The following ANKRD62 variants were observed in gnomAD, a reference collection of about 807,000 sequenced individuals.
The protein encoded by ANKRD62 is ankyrin repeat domain-containing protein 62.
A neutral mutation model predicts 98.8 loss-of-function variants in ANKRD62; 61 were observed. The ratio of observed to expected loss-of-function variants is 0.62; its 90% confidence interval spans 0.50 to 0.76. The LOEUF is 0.76. Among genes scored for constraint, ANKRD62 ranks in the 30% least tolerant of loss-of-function variants. ANKRD62 has a pLI of 0.00. For missense variants in ANKRD62, 933 were observed against 1,082.9 expected (o/e 0.86, Z 1.94); for synonymous variants, 341 against 367.9 (o/e 0.93, Z 0.84).
At chr18:12,100,671 C>G (rs2143898058) in intron 6 of ANKRD62, among the ~76,000 whole-genome samples, 1 of 152,132 alleles carries the variant, frequency 6.6e-6, no homozygotes, top group East Asian at 1.9e-4. Flanking sequence ...AAAATAAATT[C>G]CTTATTGAGA....
intron 8 of ANKRD62, among the ~76,000 whole-genome samples, chr18:12,109,209 G>A (rs915770435): frequency 6.6e-6 from 1 of 152,238 alleles, no homozygotes; most frequent in African/African-American, 2.4e-5. Flanking sequence ...CCCTGCAGCA[G>A]ACTTTTGCTT....
chr18:12,125,815 G>A lies in ANKRD62; in HGVS notation c.1994G>A (p.Cys665Tyr), dbSNP rs1312884329. Reference sequence around the variant, plus strand: ...CGTTGTAGACTGGCTGCTGCCCTATGTGATCATGATCAACGTCAGTCATCA... The same window carrying A: ...CGTTGTAGACTGGCTGCTGCCCTATATGATCATGATCAACGTCAGTCATCA... ...SYRCRLAAAL[C>Y]DHDQRQSSKR... Residue 665 changes from cysteine (C) to tyrosine (Y), a missense_variant, in exon 13 of 14, where the codon TGT becomes TAT. By Grantham distance (194) the Cys-to-Tyr change is radical. Transcript: ENST00000587848. 2.6e-6 allele frequency: 4 copies of A among 1,549,486 alleles called. No homozygotes were observed. The highest frequency in any genetic ancestry group is 1.4e-5 in the African/African-American group (1 of 73,094).
In ANKRD62 at chr18:12,116,795, T is replaced by A. The variant is rs377599984; in HGVS notation, c.1240+1261T>A. Among the ~76,000 whole-genome samples the A allele has an allele frequency of 2.7e-4, 41 of 152,352 alleles. No homozygotes were observed. In the East Asian group the frequency reaches 6.6e-3, roughly 24 times the overall value. On this transcript the variant is annotated intron_variant, in intron 10 of 13. Coordinates refer to ENST00000587848, the MANE Select transcript of ANKRD62 (RefSeq NM_001277333.2). ...TCATTTAAAAATGTCCAACGAGTGC[T>A]GGCTTGTTGGACATTAGGTTAGAAT...
intron 8 of ANKRD62, among the ~76,000 whole-genome samples, chr18:12,107,949 A>G (rs1424687468): frequency 6.6e-6 from 1 of 152,176 alleles, no homozygotes; most frequent in Non-Finnish European, 1.5e-5. Context: ...ATATATATGC[A>G]TGTGTAGTTA....
chr18:12,139,091 G>A, the ANKRD62 span, among the ~76,000 whole-genome samples: 1 of 152,162 alleles, frequency 6.6e-6, no homozygotes, highest in Non-Finnish European at 1.5e-5. Context: ...TCATTATGAT[G>A]TTAGCTGGTT....
chr18:12,122,243 C>T, intron 10 of ANKRD62, 60 bp from the exon 11 acceptor site: 1 of 1,292,260 alleles, frequency 7.7e-7, no homozygotes, highest in Non-Finnish European at 1.1e-6. Flanking sequence ...ATGCATAGTC[C>T]TTTATATTTA....
At position 12,099,644 on chromosome 18, in the gene ANKRD62, C is replaced by A. The variant is rs961842540; in HGVS notation, c.782C>A (p.Ala261Glu). 2 of 1,491,614 alleles carry A rather than the reference C, an allele frequency of 1.3e-6. No individual in the cohort carries two copies. The highest frequency in any genetic ancestry group is 1.3e-5 in the South Asian group (1 of 75,660). The allele number at this position is 1,491,614 out of a possible 1,614,324, so 92.4% of individuals were successfully genotyped here. A position where few individuals can be genotyped will look rare whatever the true frequency, so the allele number is the denominator to read the frequency against. ...CGTGGAATGATTTCTGAATATAAAG[C>A]AAACAAGAGATGTAAAAGTCTTCAA... ...AIRGMISEYK[A>E]NKRCKSLQNS... Residue 261 changes from alanine (A) to glutamate (E), a missense_variant, in exon 6 of 14, where the codon GCA becomes GAA. Ala to Glu is a moderately radical substitution (Grantham distance 107, BLOSUM62 -1). Around this residue, in one of 3 missense-constraint regions of ANKRD62, gnomAD observed 549 missense variants for 587.9 expected, o/e 0.93. Coordinates refer to ENST00000587848, the MANE Select transcript of ANKRD62 (RefSeq NM_001277333.2).
At chr18:12,173,084 G>T in the ANKRD62 span, among the ~76,000 whole-genome samples, 1 of 152,144 alleles carries the variant, frequency 6.6e-6, no homozygotes, top group Non-Finnish European at 1.5e-5. Flanking sequence ...ACCCTGCTTT[G>T]GTTCATGCTC....
the ANKRD62 span, among the ~76,000 whole-genome samples, chr18:12,174,456 C>T: frequency 6.6e-6 from 1 of 152,230 alleles, no homozygotes; most frequent in East Asian, 1.9e-4. Flanking sequence ...TCCCGTAGCT[C>T]AGTGATTTTC....
At chr18:12,116,924 A>C (rs4796947) in intron 10 of ANKRD62, among the ~76,000 whole-genome samples, 93,272 of 151,920 alleles carry the variant, frequency 0.61, 29,075 homozygotes, top group Middle Eastern at 0.76. Flanking sequence ...TGTCATATTT[A>C]ATTTTCTCAG....
chr18:12,112,111 C>CAAAA (rs34392499), intron 8 of ANKRD62, among the ~76,000 whole-genome samples: 7 of 29,486 alleles, frequency 2.4e-4, no homozygotes, highest in African/African-American at 4.5e-4. Flanking sequence ...GACTCCAACT[C>CAAAA]AAAAAAAAAA....
At chr18:12,152,567 T>C in the ANKRD62 span, among the ~76,000 whole-genome samples, 1 of 152,204 alleles carries the variant, frequency 6.6e-6, no homozygotes, top group Non-Finnish European at 1.5e-5. Flanking sequence ...GAACTGATGT[T>C]GAAGGAACAT....
chr18:12,113,676 A>G (rs1448672035), intron 8 of ANKRD62, among the ~76,000 whole-genome samples: 1 of 152,218 alleles, frequency 6.6e-6, no homozygotes, highest in Non-Finnish European at 1.5e-5. Flanking sequence ...GTACAGAAAA[A>G]GGAATGCGTA....
the ANKRD62 span, among the ~76,000 whole-genome samples, chr18:12,171,677 T>A: frequency 6.6e-6 from 1 of 152,222 alleles, no homozygotes; most frequent in African/African-American, 2.4e-5. Flanking sequence ...TGAATTTGAA[T>A]GTTGGCCTAT....
chr18:12,140,926 T>A, the ANKRD62 span, among the ~76,000 whole-genome samples: 1,668 of 152,352 alleles, frequency 0.011, 22 homozygotes, highest in Middle Eastern at 0.054. Flanking sequence ...TGCTGTCTTT[T>A]TTTTGTCTGT....
At chr18:12,131,221 A>G (rs1480968226), downstream of ANKRD62, among the ~76,000 whole-genome samples, 3 of 152,242 alleles carry the variant, frequency 2.0e-5, no homozygotes, top group Non-Finnish European at 2.9e-5. Flanking sequence ...TAACTTAAAC[A>G]TTATTAATAA....
chr18:12,141,380 G>C, the ANKRD62 span, among the ~76,000 whole-genome samples: 1 of 152,186 alleles, frequency 6.6e-6, no homozygotes, highest in Non-Finnish European at 1.5e-5. Context: ...CCCATGAGAT[G>C]AACCCGGTAC....
At chr18:12,100,199 T>C (rs1013173412) in intron 6 of ANKRD62, among the ~76,000 whole-genome samples, 3 of 152,218 alleles carry the variant, frequency 2.0e-5, no homozygotes, top group African/African-American at 4.8e-5. Flanking sequence ...AGAAACCTTA[T>C]TGATTATACA....
the ANKRD62 span, among the ~76,000 whole-genome samples, chr18:12,154,628 A>G: frequency 4.6e-5 from 7 of 152,220 alleles, no homozygotes; most frequent in Admixed American, 4.6e-4. Flanking sequence ...GTACGTACCC[A>G]GAGAAATATA....
Sources: allele counts gnomAD v4.1 joint callset (sites outside exome capture counted in the v4.1 genomes callset), GRCh38; gene constraint gnomAD v4.1.1; regional missense constraint gnomAD v4.1.1; transcripts MANE v1.5; gene names NCBI Gene and HGNC (gene_info 2026-07-23, HGNC 2026-07-21).